NOX4: variants seen among roughly 807,000 people sequenced by gnomAD.
NOX4 encodes kidney oxidase-1.
A neutral mutation model predicts 87.6 loss-of-function variants in NOX4; 69 were observed. The observed-to-expected ratio is 0.79, with a 90% CI of 0.65 to 0.96. The LOEUF (loss-of-function observed/expected upper bound fraction) is 0.96. NOX4 is among the 40% of genes least tolerant of loss of function. NOX4 has a pLI of 0.00. For missense variants in NOX4, 680 were observed against 681.5 expected (o/e 1.00, Z 0.02); for synonymous variants, 275 against 238.2 (o/e 1.15, Z -1.42).
intron 11 of NOX4, among the ~76,000 whole-genome samples, chr11:89,388,927 T>G (rs536369500): frequency 6.6e-6 from 1 of 152,306 alleles, no homozygotes; most frequent in South Asian, 2.1e-4. Context: ...ATATTCAGAG[T>G]AACTCCATGG....
At chr11:89,358,251 T>A (rs112568957) in intron 12 of NOX4, among the ~76,000 whole-genome samples, 1 of 151,092 alleles carries the variant, frequency 6.6e-6, no homozygotes, top group Non-Finnish European at 1.5e-5. Context: ...TCGGGCATAG[T>A]GGTGGGTGCC....
At chr11:89,434,707 A>G (rs577050502) in intron 6 of NOX4, among the ~76,000 whole-genome samples, 8 of 152,066 alleles carry the variant, frequency 5.3e-5, no homozygotes, top group Non-Finnish European at 5.9e-5. Context: ...AACGACTCTG[A>G]TATTCATCAA....
At chr11:89,366,793 C>T (rs570633237) in intron 12 of NOX4, among the ~76,000 whole-genome samples, 37 of 151,024 alleles carry the variant, frequency 2.4e-4, no homozygotes, top group Admixed American at 4.0e-4. Flanking sequence ...ATGGCTGGAA[C>T]GAATAAAACT....
chr11:89,396,054 G>A (rs1941461659), intron 11 of NOX4, among the ~76,000 whole-genome samples: 1 of 152,132 alleles, frequency 6.6e-6, no homozygotes. Flanking sequence ...GTCATAGGTA[G>A]CTTGATGGGG....
intron 8 of NOX4, among the ~76,000 whole-genome samples, chr11:89,419,521 G>T (rs969129493): frequency 1.5e-4 from 23 of 151,738 alleles, no homozygotes; most frequent in African/African-American, 5.6e-4. Context: ...AATGTGCACT[G>T]TAGAATGCTT....
At chr11:89,363,999 C>T (rs1565199551) in intron 12 of NOX4, among the ~76,000 whole-genome samples, 1 of 152,082 alleles carries the variant, frequency 6.6e-6, no homozygotes, top group Non-Finnish European at 1.5e-5. Context: ...TGTGGTGGCT[C>T]ATGGCTACAT....
At chr11:89,468,438 A>G (rs994326510) in intron 2 of NOX4, among the ~76,000 whole-genome samples, 1 of 152,266 alleles carries the variant, frequency 6.6e-6, no homozygotes, top group East Asian at 1.9e-4. Context: ...GTCATTGCCC[A>G]GAGCAGTGCT....
intron 12 of NOX4, among the ~76,000 whole-genome samples, chr11:89,362,173 G>GACACAGACACACACACACAC (rs936644259): frequency 5.6e-4 from 83 of 147,016 alleles, no homozygotes; most frequent in African/African-American, 2.0e-3. Flanking sequence ...CACAGACACA[G>GACACAGACACACACACACAC]ACACACACAC....
the NOX4 span, among the ~76,000 whole-genome samples, chr11:89,556,705 G>A: frequency 2.6e-5 from 4 of 152,104 alleles, no homozygotes; most frequent in African/African-American, 9.7e-5. Flanking sequence ...CAATTCAGGG[G>A]AACGGTAATT....
At chr11:89,493,719 G>A (rs373124241), upstream of NOX4, among the ~76,000 whole-genome samples, 1 of 132,184 alleles carries the variant, frequency 7.6e-6, no homozygotes, top group African/African-American at 2.8e-5. Context: ...AAGCCAGATT[G>A]TTTTATTATT....
intron 8 of NOX4, among the ~76,000 whole-genome samples, chr11:89,412,375 C>T (rs1591160098): frequency 6.6e-6 from 1 of 152,176 alleles, no homozygotes; most frequent in East Asian, 1.9e-4. Flanking sequence ...AGATTCTTCT[C>T]CTCAGCACAT....
chr11:89,588,398 C>A, the NOX4 span, among the ~76,000 whole-genome samples: 1 of 152,088 alleles, frequency 6.6e-6, no homozygotes, highest in African/African-American at 2.4e-5. Flanking sequence ...AGAAATCATG[C>A]ACTTTAGACT....
At position 89,326,462 on chromosome 11, in the gene NOX4, G is replaced by A; in HGVS notation, c.*294C>T. Reference sequence around the variant, plus strand: ...AGCAAGTTCAGCTCCTCACTAGGGAGTTCTTGAATCCACCATGAAAATCAA... The same window carrying A: ...AGCAAGTTCAGCTCCTCACTAGGGAATTCTTGAATCCACCATGAAAATCAA... On this transcript the variant is annotated 3_prime_UTR_variant, in exon 18 of 18. Coordinates refer to ENST00000263317, the MANE Select transcript of NOX4 (RefSeq NM_016931.5). 4.7e-6 allele frequency: 1 copy of A among 211,736 alleles called. No homozygotes were observed. The allele number at this position is 211,736 out of a possible 1,614,324, so 13.1% of individuals were successfully genotyped here.
chr11:89,485,684 T>C (rs1251987279), intron 2 of NOX4, among the ~76,000 whole-genome samples: 2 of 152,160 alleles, frequency 1.3e-5, no homozygotes, highest in Non-Finnish European at 2.9e-5. Context: ...TTTTCCATTC[T>C]TGAAAATAAA....
chr11:89,491,196 G>A lies in NOX4; in HGVS notation c.51C>T (p.Leu17=), dbSNP rs61905482. The A allele has an allele frequency of 1.6e-4, 264 of 1,613,764 alleles. No homozygotes were observed. Among genetic ancestry groups the A allele is most frequent in the Non-Finnish European group, 2.0e-4 (241 of 1,179,874 alleles). Residue 17 remains leucine (L), a synonymous_variant, in exon 1 of 18, where the codon CTC becomes CTT. Transcript: ENST00000263317. The part of the protein sequence containing the change: ...SWLANEGVKH[L]CLFIWLSMNV... ...GCCTAGCCCGCCATCCTACCAGGCA[G>A]AGGTGTTTAACCCCTTCGTTGGCGA...
intron 11 of NOX4, among the ~76,000 whole-genome samples, chr11:89,392,106 CCT>C (rs1228949462): frequency 2.0e-5 from 3 of 151,954 alleles, no homozygotes; most frequent in Non-Finnish European, 4.4e-5. Flanking sequence ...CCTTTTTTCT[CCT>C]CTCTGTCATT....
intron 2 of NOX4, among the ~76,000 whole-genome samples, chr11:89,462,289 A>G (rs552470084): frequency 3.9e-5 from 6 of 152,128 alleles, no homozygotes; most frequent in Admixed American, 1.3e-4. Context: ...AAAGATGTCA[A>G]TCTCTCAAAA....
chr11:89,347,259 C>A (rs964802725), intron 13 of NOX4, among the ~76,000 whole-genome samples: 1 of 152,148 alleles, frequency 6.6e-6, no homozygotes. Flanking sequence ...CACCCAGAGC[C>A]ACCTCTACCA....
chr11:89,522,751 A>T, the NOX4 span, among the ~76,000 whole-genome samples: 1 of 152,240 alleles, frequency 6.6e-6, no homozygotes, highest in African/African-American at 2.4e-5. Context: ...TTCAATATAA[A>T]AATTGTATCT....
Sources: gnomAD v4.1 joint callset for allele counts (sites outside exome capture counted in the v4.1 genomes callset) on GRCh38, gnomAD v4.1.1 for gene constraint, MANE v1.5 for transcripts, NCBI Gene and HGNC (gene_info 2026-07-23, HGNC 2026-07-21) for gene names.